KCTD18: variants seen among roughly 807,000 people sequenced by gnomAD.
KCTD18 encodes BTB/POZ domain-containing protein KCTD18.
KCTD18 carries 22 observed loss-of-function variants against 30.4 expected under a neutral mutation model. The ratio of observed to expected loss-of-function variants is 0.72; its 90% CI spans 0.52 to 1.03. The LOEUF is 1.03. KCTD18 is among the 50% of genes least tolerant of loss of function. The pLI, the probability that KCTD18 is intolerant of heterozygous loss-of-function variation, is 0.00. For missense variants in KCTD18, 529 were observed against 547.6 expected (o/e 0.97, Z 0.34); for synonymous variants, 186 against 209.0 (o/e 0.89, Z 0.95).
intron 3 of KCTD18, among the ~76,000 whole-genome samples, chr2:200,502,222 G>A (rs1175342808): frequency 6.6e-6 from 1 of 151,666 alleles, no homozygotes; most frequent in African/African-American, 2.4e-5. Flanking sequence ...CACTAGCATG[G>A]TACATGTATA....
At chr2:200,493,813 A>G (rs762454062) in intron 5 of KCTD18, among the ~76,000 whole-genome samples, 8 of 152,168 alleles carry the variant, frequency 5.3e-5, no homozygotes, top group Non-Finnish European at 1.2e-4. Context: ...AGGGAGCAGT[A>G]TAAGTATTGT....
chr2:200,495,178 A>G lies in KCTD18; in HGVS notation c.662-1904T>C, dbSNP rs114761024. ...GGAATCATTGGCTCAGGACAGACTA[A>G]TATGTTTCATTCCAGTCTTTTTTCT... is the stretch of plus-strand genomic sequence containing the variant. On this transcript the variant is annotated intron_variant, in intron 5 of 6. Coordinates refer to ENST00000359878, the MANE Select transcript of KCTD18 (RefSeq NM_152387.4). Among the ~76,000 whole-genome samples the G allele has an allele frequency of 8.2e-3, 1,244 of 152,286 alleles. 14 individuals carry two copies. Among genetic ancestry groups the G allele is most frequent in the African/African-American group, 0.027 (1,142 of 41,544 alleles).
In KCTD18 at chr2:200,493,177, T is replaced by C. The variant is rs866353306; in HGVS notation, c.759A>G (p.Arg253=). 1 of 1,598,252 alleles carries C rather than the reference T, an allele frequency of 6.3e-7. No individual in the cohort carries two copies. The highest frequency in any genetic ancestry group is 8.6e-7 in the Non-Finnish European group (1 of 1,165,598). The change falls in exon 6 of 7, where the codon CGA becomes CGG. Residue 253 remains arginine (R), a synonymous_variant. Transcript: ENST00000359878. ...AACAACACAGCATAGATAACCTCTT[T>C]CGAATTGGAGCCATGTGACGCAGGC... The part of the protein sequence containing the change: ...LGSLRHMAPI[R]KRRLITFNEA...
At chr2:200,492,199 A>G (rs1399732601) in intron 6 of KCTD18, among the ~76,000 whole-genome samples, 1 of 152,160 alleles carries the variant, frequency 6.6e-6, no homozygotes, top group Non-Finnish European at 1.5e-5. Flanking sequence ...TTTTGGTCAC[A>G]TAATTCTTTG....
Position 200,509,928 on chromosome 2 carries a change from C to G in KCTD18, c.-376G>C, listed in dbSNP as rs758499411. ...CGTGCCCTTCCTCAGGGCGCCCCGC[C>G]GCCTTCCGGGCCCGCGGCCCATCCC... is the stretch of plus-strand genomic sequence containing the variant. On this transcript the variant is annotated 5_prime_UTR_variant, in exon 1 of 7. Coordinates refer to ENST00000359878, the MANE Select transcript of KCTD18 (RefSeq NM_152387.4). 1 of 151,804 alleles carries G rather than the reference C, an allele frequency of 6.6e-6. No individual in the cohort carries two copies. Among genetic ancestry groups the G allele is most frequent in the Non-Finnish European group, 1.5e-5 (1 of 67,944 alleles). 9.4% of individuals were successfully genotyped at this position (151,804 alleles called of 1,614,324 possible).
chr2:200,499,898 G>A (rs1447205948), intron 3 of KCTD18, among the ~76,000 whole-genome samples: 3 of 148,996 alleles, frequency 2.0e-5, no homozygotes, highest in African/African-American at 4.9e-5. Context: ...CTAGCAAACC[G>A]AATCCAGCAG....
At chr2:200,494,225 G>A (rs981684144) in intron 5 of KCTD18, among the ~76,000 whole-genome samples, 1 of 152,206 alleles carries the variant, frequency 6.6e-6, no homozygotes, top group Non-Finnish European at 1.5e-5. Context: ...GTGGAGTGGG[G>A]AGTGACCGCT....
chr2:200,505,799 GAAGAAACAC>G (rs2030155679), intron 2 of KCTD18, among the ~76,000 whole-genome samples: 1 of 150,792 alleles, frequency 6.6e-6, no homozygotes, highest in Non-Finnish European at 1.5e-5. Flanking sequence ...CTTTAAAAAA[GAAGAAACAC>G]TATGCTGGTA....
Position 200,490,087 on chromosome 2 carries a change from T to C in KCTD18, c.*13A>G, listed in dbSNP as rs2087883021. 6.5e-7 allele frequency: 1 copy of C among 1,542,918 alleles called. No homozygotes were observed. Among genetic ancestry groups the C allele is most frequent in the African/African-American group, 1.4e-5 (1 of 73,024 alleles). On this transcript the variant is annotated 3_prime_UTR_variant, in exon 7 of 7. Transcript: ENST00000359878. ...TGGGAGATGAACGGGAAATTTCAAGTCCACCACTTTCATCAATTTCCCTTG... is the reference window on the plus strand; with the variant it reads ...TGGGAGATGAACGGGAAATTTCAAGCCCACCACTTTCATCAATTTCCCTTG...
At chr2:200,508,374 G>C (rs2030322756) in intron 1 of KCTD18, among the ~76,000 whole-genome samples, 1 of 152,198 alleles carries the variant, frequency 6.6e-6, no homozygotes, top group South Asian at 2.1e-4. Context: ...ACAGGCGTGA[G>C]CCACTGCACC....
At chr2:200,499,671 T>C (rs942866473) in intron 3 of KCTD18, among the ~76,000 whole-genome samples, 1 of 151,470 alleles carries the variant, frequency 6.6e-6, no homozygotes, top group Non-Finnish European at 1.5e-5. Context: ...CAGGACCAGA[T>C]GGATTCACAG....
chr2:200,506,966 G>A lies in KCTD18; in HGVS notation c.51C>T (p.Asn17=). ...GGGCTGTGTAAATACAGCCACCCAC[G>A]TTCAGTCGGAGAACATCTAGCACCT... The part of the protein sequence containing the change: ...EEEVLDVLRL[N]VGGCIYTARR... The change falls in exon 2 of 7, where the codon AAC becomes AAT. Residue 17 remains asparagine, a synonymous_variant. Coordinates refer to ENST00000359878, the MANE Select transcript of KCTD18 (RefSeq NM_152387.4). 2 of 1,613,898 alleles carry A rather than the reference G, an allele frequency of 1.2e-6. No homozygotes were observed. Among genetic ancestry groups the A allele is most frequent in the Non-Finnish European group, 8.5e-7 (1 of 1,179,888 alleles).
At chr2:200,497,696 T>G in intron 5 of KCTD18, 57 bp downstream of exon 5, 1 of 1,134,650 alleles carries the variant, frequency 8.8e-7, no homozygotes, top group Non-Finnish European at 1.3e-6. Flanking sequence ...TGAGCTTACT[T>G]TGTCTTTTTT....
intron 1 of KCTD18, among the ~76,000 whole-genome samples, chr2:200,509,068 ATAACTCCCATT>A (rs1162480796): frequency 6.6e-6 from 1 of 152,144 alleles, no homozygotes. Context: ...GTCACTCTTA[ATAACTCCCATT>A]TACTGAATGC....
intron 3 of KCTD18, among the ~76,000 whole-genome samples, chr2:200,500,785 A>G (rs377032519): frequency 6.6e-6 from 1 of 151,838 alleles, no homozygotes; most frequent in Non-Finnish European, 1.5e-5. Flanking sequence ...AAACTACTTT[A>G]AAGTTCATAT....
chr2:200,497,684 T>G, intron 5 of KCTD18, 69 bp downstream of exon 5: 3 of 1,018,304 alleles, frequency 2.9e-6, no homozygotes, highest in Non-Finnish European at 4.7e-6. Context: ...AAATGCAGTA[T>G]TTGAGCTTAC....
At chr2:200,506,612 C>A (rs1042605910) in intron 2 of KCTD18, among the ~76,000 whole-genome samples, 2 of 152,166 alleles carry the variant, frequency 1.3e-5, no homozygotes, top group Non-Finnish European at 2.9e-5. Context: ...ACAGTTAATC[C>A]CCATAATTAG....
In KCTD18 at chr2:200,506,896, T is replaced by C. The variant is rs148180378; in HGVS notation, c.121A>G (p.Met41Val). ...TTTAGAGGAAAGCGACCACTGAACATAGATGCCAACATGGAGTCCTTGAAG... is the reference window on the plus strand; with the variant it reads ...TTTAGAGGAAAGCGACCACTGAACACAGATGCCAACATGGAGTCCTTGAAG... ...CRFKDSMLAS[M>V]FSGRFPLKTD... The change falls in exon 2 of 7, where the codon ATG becomes GTG. Residue 41 changes from methionine to valine, a missense_variant. By Grantham distance (21) the Met-to-Val change is conservative. Transcript: ENST00000359878. The C allele has an allele frequency of 1.2e-4, 198 of 1,613,844 alleles. No homozygotes were observed. Among genetic ancestry groups the C allele is most frequent in the Non-Finnish European group, 1.6e-4 (188 of 1,179,998 alleles).
At chr2:200,502,386 T>C (rs1389665767) in intron 3 of KCTD18, among the ~76,000 whole-genome samples, 1 of 152,122 alleles carries the variant, frequency 6.6e-6, no homozygotes, top group Non-Finnish European at 1.5e-5. Flanking sequence ...TCCCCAAAAT[T>C]TCCCATTTTA....
Sources: allele counts gnomAD v4.1 joint callset (sites outside exome capture counted in the v4.1 genomes callset), GRCh38; gene constraint gnomAD v4.1.1; transcripts MANE v1.5; gene names NCBI Gene and HGNC (gene_info 2026-07-23, HGNC 2026-07-21).